The following CDC42SE2 variants were observed in gnomAD, a reference collection of about 807,000 sequenced individuals.
The protein encoded by CDC42SE2 is CDC42 small effector 2, also known as CDC42 small effector protein 2.
A neutral mutation model predicts 11.5 loss-of-function variants in CDC42SE2; 3 were observed. The ratio of observed to expected loss-of-function variants is 0.26; its 90% CI spans 0.12 to 0.67. The LOEUF is 0.67. CDC42SE2 is among the 30% of genes least tolerant of loss of function. The pLI is 0.80. For synonymous variants in CDC42SE2, 33 were observed against 34.8 expected (o/e 0.95, Z 0.18); for missense variants, 82 against 106.8 (o/e 0.77, Z 1.02).
At chr5:131,214,445 A>G in the CDC42SE2 span, among the ~76,000 whole-genome samples, 1 of 152,214 alleles carries the variant, frequency 6.6e-6, no homozygotes, top group African/African-American at 2.4e-5. Flanking sequence ...AGGGAGGAGT[A>G]CTTTGAGGGA....
At chr5:131,294,085 A>T (rs992549829) in intron 1 of CDC42SE2, among the ~76,000 whole-genome samples, 2 of 152,330 alleles carry the variant, frequency 1.3e-5, no homozygotes, top group East Asian at 3.9e-4. Context: ...TTGTCAATGC[A>T]GGAGGGCCAC....
At chr5:131,287,671 G>A (rs955643075) in intron 1 of CDC42SE2, among the ~76,000 whole-genome samples, 12 of 150,952 alleles carry the variant, frequency 7.9e-5, no homozygotes, top group African/African-American at 1.9e-4. Context: ...ATGGGGCTCC[G>A]CCATGTTGCC....
At chr5:131,337,254 G>A (rs6596017) in intron 2 of CDC42SE2, among the ~76,000 whole-genome samples, 1 of 151,868 alleles carries the variant, frequency 6.6e-6, no homozygotes, top group Non-Finnish European at 1.5e-5. Context: ...GTTTGCCTGG[G>A]TATCACCAGC....
chr5:131,327,987 C>T lies in CDC42SE2; in HGVS notation c.-286+11843C>T, dbSNP rs115648773. 3.3e-3 allele frequency among the ~76,000 whole-genome samples: 505 copies of T among 152,202 alleles called. 2 individuals carry two copies. Among genetic ancestry groups the T allele is most frequent in the African/African-American group, 0.012 (489 of 41,524 alleles). Reference sequence around the variant, plus strand: ...GGGAGGCTGGGAAGTCCAAGATCAACGGGCCAACATGTTGCTGTGGCAGAA... The same window carrying T: ...GGGAGGCTGGGAAGTCCAAGATCAATGGGCCAACATGTTGCTGTGGCAGAA... On this transcript the variant is annotated intron_variant, in intron 2 of 4. Transcript: ENST00000505065.
intron 1 of CDC42SE2, among the ~76,000 whole-genome samples, chr5:131,265,986 G>T (rs1257289943): frequency 5.3e-5 from 8 of 152,222 alleles, no homozygotes; most frequent in African/African-American, 1.2e-4. Flanking sequence ...TTAAAATAAA[G>T]CTTCATTTCA....
rs1561442354 is a variant in CDC42SE2, at chr5:131,393,825, T to TTG, written c.*2735_*2736insGT. 7.8e-6 allele frequency: 1 copy of TTG among 127,538 alleles called. No individual in the cohort carries two copies. Among genetic ancestry groups the TTG allele is most frequent in the African/African-American group, 3.7e-5 (1 of 26,794 alleles). 7.9% of individuals were successfully genotyped at this position (127,538 alleles called of 1,614,324 possible). On this transcript the variant is annotated 3_prime_UTR_variant, in exon 5 of 5. Coordinates refer to ENST00000505065, the MANE Select transcript of CDC42SE2 (RefSeq NM_001375635.1). ...TCTTTTTCCAAATCGCTGTTTTTTT[T>TTG]TTTTTTTTTTTTTTTTTTGCTGCTC...
intron 1 of CDC42SE2, among the ~76,000 whole-genome samples, chr5:131,288,822 T>C (rs1757393151): frequency 1.3e-5 from 2 of 152,232 alleles, no homozygotes; most frequent in African/African-American, 4.8e-5. Context: ...TTAGAGATGC[T>C]ATTGACTACT....
At chr5:131,307,075 T>C (rs909134345) in intron 1 of CDC42SE2, among the ~76,000 whole-genome samples, 5 of 151,926 alleles carry the variant, frequency 3.3e-5, no homozygotes, top group Admixed American at 1.3e-4. Flanking sequence ...ATTTTTTTAT[T>C]ATTATTATAC....
At chr5:131,221,099 T>G in the CDC42SE2 span, among the ~76,000 whole-genome samples, 1 of 152,042 alleles carries the variant, frequency 6.6e-6, no homozygotes, top group Admixed American at 6.6e-5. Flanking sequence ...TTGACCAGGC[T>G]GGTCTCAAAC....
At chr5:131,254,186 C>G (rs996856859) in intron 1 of CDC42SE2, among the ~76,000 whole-genome samples, 5 of 152,162 alleles carry the variant, frequency 3.3e-5, no homozygotes, top group Admixed American at 6.5e-5. Context: ...CCTTCCCCAG[C>G]CCCGCACCTC....
At chr5:131,309,098 T>G (rs1344579194) in intron 1 of CDC42SE2, among the ~76,000 whole-genome samples, 1 of 152,180 alleles carries the variant, frequency 6.6e-6, no homozygotes, top group Non-Finnish European at 1.5e-5. Flanking sequence ...TAGATAGCTC[T>G]TATTCTTTTG....
the CDC42SE2 span, among the ~76,000 whole-genome samples, chr5:131,236,721 A>T: frequency 8.4e-4 from 128 of 152,280 alleles, no homozygotes; most frequent in African/African-American, 2.9e-3. Flanking sequence ...ATCACACTCA[A>T]CCGATTAAAT....
intron 1 of CDC42SE2, among the ~76,000 whole-genome samples, chr5:131,267,984 CAG>C (rs1156905033): frequency 3.3e-5 from 5 of 150,104 alleles, no homozygotes; most frequent in African/African-American, 7.4e-5. Flanking sequence ...TAGTCAGTCT[CAG>C]GGGGACATTA....
At chr5:131,264,715 G>T (rs2149688344) in intron 1 of CDC42SE2, among the ~76,000 whole-genome samples, 1 of 152,334 alleles carries the variant, frequency 6.6e-6, no homozygotes, top group East Asian at 1.9e-4. Flanking sequence ...CTCGTCGCGG[G>T]AGCTGAGCTA....
At chr5:131,347,762 C>G in intron 2 of CDC42SE2, among the ~76,000 whole-genome samples, 1 of 152,156 alleles carries the variant, frequency 6.6e-6, no homozygotes, top group Non-Finnish European at 1.5e-5. Context: ...AAAATACTGG[C>G]AAACCAAATC....
At chr5:131,378,311 T>A (rs1376904300) in intron 3 of CDC42SE2, among the ~76,000 whole-genome samples, 1 of 152,250 alleles carries the variant, frequency 6.6e-6, no homozygotes, top group East Asian at 1.9e-4. Context: ...TCAAATCCAT[T>A]TTTTATATTA....
upstream of CDC42SE2, among the ~76,000 whole-genome samples, chr5:131,244,675 T>A (rs1343576335): frequency 2.0e-5 from 3 of 151,944 alleles, no homozygotes; most frequent in African/African-American, 4.8e-5. Context: ...CATGCCACAG[T>A]ACCGCAGCCT....
chr5:131,338,123 A>C (rs1170536513), intron 2 of CDC42SE2, among the ~76,000 whole-genome samples: 6 of 152,192 alleles, frequency 3.9e-5, no homozygotes, highest in African/African-American at 2.4e-5. Flanking sequence ...ATTTTTTAAA[A>C]AGTTATTATT....
chr5:131,346,980 C>T lies in CDC42SE2; in HGVS notation c.-285-12229C>T, dbSNP rs150353811. ...CGAGAACAAAGACACAACAAATCTC[C>T]GGGACACATTTAAAGCAGTGTGTAG... On this transcript the variant is annotated intron_variant, in intron 2 of 4. Coordinates refer to ENST00000505065, the MANE Select transcript of CDC42SE2 (RefSeq NM_001375635.1). Among the ~76,000 whole-genome samples, 1,147 of 150,088 alleles carry T rather than the reference C, an allele frequency of 7.6e-3. 15 individuals are homozygous for T. Among genetic ancestry groups the T allele is most frequent in the African/African-American group, 0.026 (1,073 of 41,230 alleles).
Sources: allele counts gnomAD v4.1 joint callset (sites outside exome capture counted in the v4.1 genomes callset), GRCh38; gene constraint gnomAD v4.1.1; transcripts MANE v1.5; gene names NCBI Gene and HGNC (gene_info 2026-07-23, HGNC 2026-07-21).